The following NRG1 variants were observed in gnomAD, a reference collection of about 807,000 sequenced individuals.
NRG1 encodes the protein pro-neuregulin-1, membrane-bound isoform.
Under a neutral mutation model 63.8 loss-of-function variants are expected in NRG1, and 18 were observed. The observed-to-expected ratio is 0.28, with a 90% CI of 0.19 to 0.42. The LOEUF (loss-of-function observed/expected upper bound fraction) is 0.42, where lower values mean the gene tolerates loss of function less well. NRG1 is among the 10% of genes least tolerant of loss of function. The probability of loss-of-function intolerance (pLI) is 1.00; values close to 1 mark genes in which losing one functional copy is unlikely to be tolerated. For missense variants in NRG1, 762 were observed against 814.7 expected, an observed-to-expected ratio of 0.94 and a Z score of 0.79; for synonymous variants, 302 against 301.3, an observed-to-expected ratio of 1.00 and a Z score of -0.02.
chr8:32,206,452 C>T (rs1456152781), intron 1 of NRG1, among the ~76,000 whole-genome samples: 1 of 152,158 alleles, frequency 6.6e-6, no homozygotes, highest in Non-Finnish European at 1.5e-5. Context: ...TCTATAAATT[C>T]TCAAAATTTG....
intron 1 of NRG1, among the ~76,000 whole-genome samples, chr8:32,352,778 A>G (rs1805777477): frequency 6.6e-6 from 1 of 151,960 alleles, no homozygotes; most frequent in South Asian, 2.1e-4. Flanking sequence ...CTATGCCAGA[A>G]GAGAAGGGAG....
In NRG1 at chr8:31,662,529, T is replaced by C. The variant is rs146487689; in HGVS notation, c.37+23098T>C. Among the ~76,000 whole-genome samples, 481 of 152,358 alleles carry C rather than the reference T, an allele frequency of 3.2e-3. 2 individuals are homozygous for C. The highest frequency in any genetic ancestry group is 0.021 in the South Asian group (102 of 4,830). ...CTCCTGCATTTCTGGGTTTCACTTT[T>C]GTCCATTGCTAGCTCTCATTTGGTC... On this transcript the variant is annotated intron_variant, in intron 1 of 10. Coordinates refer to the NRG1 transcript ENST00000519301.
intron 1 of NRG1, among the ~76,000 whole-genome samples, chr8:31,913,497 T>C (rs1249531981): frequency 6.6e-6 from 1 of 152,224 alleles, no homozygotes; most frequent in African/African-American, 2.4e-5. Context: ...TGCTTATTTA[T>C]TTTCTTTTCA....
At chr8:32,607,847 T>A (rs112837029) in intron 3 of NRG1, among the ~76,000 whole-genome samples, 4 of 152,156 alleles carry the variant, frequency 2.6e-5, no homozygotes, top group African/African-American at 9.7e-5. Context: ...CAACAAAAAT[T>A]CTTTCAGAAA....
chr8:32,509,142 A>G (rs1011156264), intron 1 of NRG1, among the ~76,000 whole-genome samples: 1 of 151,288 alleles, frequency 6.6e-6, no homozygotes. Flanking sequence ...TGGCTCTGTC[A>G]CCCAGGCTGG....
At chr8:32,372,716 A>G (rs1293233842) in intron 1 of NRG1, among the ~76,000 whole-genome samples, 1 of 152,178 alleles carries the variant, frequency 6.6e-6, no homozygotes, top group Non-Finnish European at 1.5e-5. Context: ...AGCCCTCCCA[A>G]CTTTCACTTC....
intron 1 of NRG1, among the ~76,000 whole-genome samples, chr8:31,986,398 G>A (rs888073937): frequency 2.0e-5 from 3 of 152,040 alleles, no homozygotes; most frequent in African/African-American, 7.2e-5. Flanking sequence ...ACTTTGAGAT[G>A]ACTCTGAAAT....
At chr8:31,710,419 C>A (rs2131248961) in intron 1 of NRG1, among the ~76,000 whole-genome samples, 1 of 151,746 alleles carries the variant, frequency 6.6e-6, no homozygotes, top group East Asian at 1.9e-4. Context: ...GTATATCAAA[C>A]ATCCATAACA....
At chr8:31,922,859 T>C (rs1834027156) in intron 1 of NRG1, among the ~76,000 whole-genome samples, 1 of 151,984 alleles carries the variant, frequency 6.6e-6, no homozygotes, top group South Asian at 2.1e-4. Flanking sequence ...AAAGAGCTTG[T>C]AGCTTAGTGG....
chr8:31,918,375 C>T (rs1259017284), intron 1 of NRG1, among the ~76,000 whole-genome samples: 17 of 152,124 alleles, frequency 1.1e-4, no homozygotes, highest in Non-Finnish European at 2.5e-4. Flanking sequence ...AAATATGTCC[C>T]ATCGATACCT....
intron 1 of NRG1, among the ~76,000 whole-genome samples, chr8:32,102,862 T>A (rs970123051): frequency 6.6e-6 from 1 of 152,160 alleles, no homozygotes; most frequent in East Asian, 1.9e-4. Context: ...ACAATTACAA[T>A]GTCTTGGTGG....
Position 32,514,408 on chromosome 8 carries a change from T to G in NRG1, c.38-81420T>G, listed in dbSNP as rs75550962. Among the ~76,000 whole-genome samples, 134 of 152,278 alleles carry G rather than the reference T, an allele frequency of 8.8e-4. 2 individuals carry two copies. The East Asian group carries it at 0.025, about 29-fold the overall frequency. ...ATTTGATCTTTTCTGAGATCCAAAG[T>G]TTTTAACATGCTTCATGCTTGAAAA... On this transcript the variant is annotated intron_variant, in intron 1 of 10. Transcript: ENST00000519301.
rs149172411 is a variant in NRG1 at position 32,453,119 on chromosome 8, A to C, written c.38-142709A>C. On this transcript the variant is annotated intron_variant, in intron 1 of 10. Transcript: ENST00000519301. ...CAGATTCTGAACCTGTAACTCATTT[A>C]AATCTTGCCGTGACTTTGGTTTCCC... Among the ~76,000 whole-genome samples the C allele has an allele frequency of 4.6e-5, 7 of 152,304 alleles. No homozygotes were observed. The East Asian group carries it at 1.4e-3, about 29-fold the overall frequency.
At chr8:32,187,133 A>T (rs1183844757) in intron 1 of NRG1, among the ~76,000 whole-genome samples, 3 of 152,230 alleles carry the variant, frequency 2.0e-5, no homozygotes, top group Non-Finnish European at 4.4e-5. Context: ...TGTGTTAATT[A>T]AAGTGGCAAT....
At chr8:32,404,048 G>A (rs1813601225) in intron 1 of NRG1, among the ~76,000 whole-genome samples, 1 of 152,166 alleles carries the variant, frequency 6.6e-6, no homozygotes, top group Non-Finnish European at 1.5e-5. Context: ...ATATACCCCA[G>A]CAATGGTGAT....
In NRG1 at chr8:31,929,417, AT is replaced by A. The variant is rs143631109; in HGVS notation, c.37+289992del. 2.6e-5 allele frequency among the ~76,000 whole-genome samples: 4 copies of A among 152,102 alleles called. No homozygotes were observed. In the South Asian group the frequency reaches 8.3e-4, roughly 32 times the overall value. On this transcript the variant is annotated intron_variant, in intron 1 of 10. Coordinates refer to the NRG1 transcript ENST00000519301. ...TTGGATTTTTGAATAGTGCTTTAAC[AT>A]TTTTTACTTAAATTGTATACATTTT...
At chr8:31,820,057 T>C (rs1456264418) in intron 1 of NRG1, among the ~76,000 whole-genome samples, 1 of 150,052 alleles carries the variant, frequency 6.7e-6, no homozygotes, top group Non-Finnish European at 1.5e-5. Flanking sequence ...TAACTGATAC[T>C]TCCTTTGTGT....
chr8:32,599,104 G>A (rs369914159), intron 2 of NRG1, among the ~76,000 whole-genome samples: 139 of 152,032 alleles, frequency 9.1e-4, no homozygotes, highest in African/African-American at 3.3e-3. Context: ...AGAACATAGG[G>A]CTCTGGCATG....
intron 1 of NRG1, among the ~76,000 whole-genome samples, chr8:32,252,011 C>G (rs956814880): frequency 6.6e-6 from 1 of 152,118 alleles, no homozygotes; most frequent in East Asian, 1.9e-4. Context: ...TGTGAAGTAT[C>G]TGCTCATGTC....
Sources: allele counts gnomAD v4.1 joint callset (sites outside exome capture counted in the v4.1 genomes callset), GRCh38; gene constraint gnomAD v4.1.1; transcripts MANE v1.5; gene names NCBI Gene and HGNC (gene_info 2026-07-23, HGNC 2026-07-21).